Variants in IL20 observed in about 807,000 individuals in gnomAD.
The protein encoded by IL20 is interleukin 20, also known as interleukin-20.
Under a neutral mutation model 19.2 loss-of-function variants are expected in IL20, and 22 were observed. The ratio of observed to expected loss-of-function variants is 1.15; its 90% CI spans 0.82 to 1.64. The LOEUF is 1.64. Ranked by LOEUF, IL20 falls within the 40% of genes most tolerant of loss-of-function variation. The pLI, the probability that IL20 is intolerant of heterozygous loss-of-function variation, is 0.00. For missense variants in IL20, 215 were observed against 212.8 expected, an observed-to-expected ratio of 1.01 and a Z score of -0.06; for synonymous variants, 70 against 76.2, an observed-to-expected ratio of 0.92 and a Z score of 0.43.
At position 206,867,373 on chromosome 1, in the gene IL20, G is replaced by A; in HGVS notation, c.379-11G>A. On this transcript the variant is annotated splice_polypyrimidine_tract_variant and intron_variant, in intron 4 of 5. Transcript: ENST00000367098. ...TGTAATATAATCTATTATTCTTTGG[G>A]TCCTTTTCAGCATGCCCACATGACA... The A allele has an allele frequency of 6.2e-7, 1 of 1,611,588 alleles. No individual in the cohort carries two copies. The highest frequency in any genetic ancestry group is 8.5e-7 in the Non-Finnish European group (1 of 1,177,978).
Position 206,866,217 on chromosome 1 carries a change from G to A in IL20, c.160-82G>A, listed in dbSNP as rs1572589136. The A allele has an allele frequency of 2.9e-6, 4 of 1,360,290 alleles. No individual in the cohort carries two copies. In the East Asian group the frequency reaches 9.2e-5, roughly 31 times the overall value. 84.3% of individuals were successfully genotyped at this position (1,360,290 alleles called of 1,614,324 possible). On this transcript the variant is annotated intron_variant, in intron 2 of 5. Coordinates refer to ENST00000367098, the MANE Select transcript of IL20 (RefSeq NM_018724.4). Reference sequence around the variant, plus strand: ...ACACCTCCCACTAGTTCTTGGCAGGGAGTGGATGAGAAGTCTTGATATTGA... The same window carrying A: ...ACACCTCCCACTAGTTCTTGGCAGGAAGTGGATGAGAAGTCTTGATATTGA...
Position 206,868,806 on chromosome 1 carries a change from A to G in IL20, c.*242A>G, listed in dbSNP as rs1041716282. ...TATCTTTCTGCTATTGGATATATTT[A>G]TTAGTTAATATATTTATTTATTTTT... On this transcript the variant is annotated 3_prime_UTR_variant, in exon 6 of 6. Coordinates refer to ENST00000367098, the MANE Select transcript of IL20 (RefSeq NM_018724.4). 24 of 238,904 alleles carry G rather than the reference A, an allele frequency of 1.0e-4. No individual in the cohort carries two copies. Among genetic ancestry groups the G allele is most frequent in the South Asian group, 3.5e-4 (2 of 5,672 alleles). 14.8% of individuals were successfully genotyped at this position (238,904 alleles called of 1,614,324 possible). A position where few individuals can be genotyped will look rare whatever the true frequency, so the allele number is the denominator to read the frequency against.
At position 206,869,031 on chromosome 1, in the gene IL20, G is replaced by A. The variant is rs991908685; in HGVS notation, c.*467G>A. 5.3e-5 allele frequency: 8 copies of A among 152,102 alleles called. No individual in the cohort carries two copies. The highest frequency in any genetic ancestry group is 1.0e-4 in the Non-Finnish European group (7 of 68,008). 9.4% of individuals were successfully genotyped at this position (152,102 alleles called of 1,614,324 possible). A position where few individuals can be genotyped will look rare whatever the true frequency, so the allele number is the denominator to read the frequency against. ...ATATTTACTCATGCTGATGCTCTGTGAGATATTTGAAATTGAACCAATGAC... is the reference window on the plus strand; with the variant it reads ...ATATTTACTCATGCTGATGCTCTGTAAGATATTTGAAATTGAACCAATGAC... On this transcript the variant is annotated 3_prime_UTR_variant, in exon 6 of 6. Transcript: ENST00000367098.
At chr1:206,867,948 G>C (rs1450314943) in intron 5 of IL20, among the ~76,000 whole-genome samples, 4 of 152,130 alleles carry the variant, frequency 2.6e-5, no homozygotes, top group Non-Finnish European at 5.9e-5. Flanking sequence ...CCTTCTCTCA[G>C]AGTTAGATGC....
chr1:206,867,467 G>A lies in IL20; in HGVS notation c.453+9G>A, dbSNP rs374471261. ...TGAGTCACTTTGAAAAGGTATATGC[G>A]ACTTTGGCATTGATTGGGATGGGTG... On this transcript the variant is annotated intron_variant, in intron 5 of 5. Coordinates refer to ENST00000367098, the MANE Select transcript of IL20 (RefSeq NM_018724.4). The A allele has an allele frequency of 3.7e-6, 6 of 1,610,494 alleles. No homozygotes were observed. Among genetic ancestry groups the A allele is most frequent in the Admixed American group, 1.7e-5 (1 of 60,002 alleles).
rs779718399 is a variant in IL20, at chr1:206,868,574, G to A, written c.*10G>A. 25 of 1,589,434 alleles carry A rather than the reference G, an allele frequency of 1.6e-5. No individual in the cohort carries two copies. The African/African-American group carries it at 3.1e-4, about 20-fold the overall frequency. ...GGAGGAGACAGAATAGGAGGAAAGT[G>A]ATGCTGCTGCTAAGAATATTCGAGG... On this transcript the variant is annotated 3_prime_UTR_variant, in exon 6 of 6. Coordinates refer to ENST00000367098, the MANE Select transcript of IL20 (RefSeq NM_018724.4).
At chr1:206,864,146 T>C (rs1677486177), upstream of IL20, among the ~76,000 whole-genome samples, 1 of 152,200 alleles carries the variant, frequency 6.6e-6, no homozygotes, top group Middle Eastern at 3.2e-3. Context: ...TAAACTGGAA[T>C]GACCCACATC....
chr1:206,865,466 G>A (rs1677518897), upstream of IL20: 3 of 1,011,812 alleles, frequency 3.0e-6, no homozygotes, highest in East Asian at 9.2e-5. This position sits in a 1 kb window ranked among gnomAD's most constrained non-coding sequence, Gnocchi z 4.1. Flanking sequence ...GGCTATATGC[G>A]TCAATTCCCC....
chr1:206,867,547 C>A, intron 5 of IL20, 89 bp downstream of exon 5: 1 of 1,099,180 alleles, frequency 9.1e-7, no homozygotes, highest in Non-Finnish European at 1.4e-6. Flanking sequence ...TGTTAGACAT[C>A]CTGTAGCCTT....
chr1:206,866,459 C>T, intron 3 of IL20, 25 bp from the exon 4 acceptor site: 18 of 1,614,008 alleles, frequency 1.1e-5, no homozygotes, highest in Non-Finnish European at 1.4e-5. Flanking sequence ...TTTCCCCTCA[C>T]CAATATACCT....
rs1407791226 is a variant in IL20, at chr1:206,868,462, C to G, written c.454-25C>G. 2.6e-6 allele frequency: 4 copies of G among 1,563,922 alleles called. No homozygotes were observed. The East Asian group carries it at 9.6e-5, about 38-fold the overall frequency. On this transcript the variant is annotated intron_variant, in intron 5 of 5. Coordinates refer to ENST00000367098, the MANE Select transcript of IL20 (RefSeq NM_018724.4). ...CAAATGCTGTCTCATGAATTGCTAA[C>G]CACATGGGTGTGTGTCTCTTTCAGC...
In IL20 at chr1:206,868,557, C is replaced by T. The variant is rs756907941; in HGVS notation, c.524C>T (p.Thr175Ile). The T allele has an allele frequency of 1.2e-5, 19 of 1,602,346 alleles. No individual in the cohort carries two copies. The highest frequency in any genetic ancestry group is 2.7e-5 in the African/African-American group (2 of 74,310). ...LDILLQWMEE[T>I]E is the part of the protein sequence containing the mutation. The stretch of plus-strand genomic sequence containing the variant: ...ATTCTTCTGCAATGGATGGAGGAGA[C>T]AGAATAGGAGGAAAGTGATGCTGCT... The change falls in exon 6 of 6, where the codon ACA (threonine) becomes ATA (isoleucine). Residue 175 changes from threonine to isoleucine, a missense_variant. Transcript: ENST00000367098.
At chr1:206,866,032 C>T in intron 2 of IL20, 21 bp downstream of exon 2, 4 of 1,604,914 alleles carry the variant, frequency 2.5e-6, no homozygotes, top group Non-Finnish European at 3.4e-6. Context: ...GGGTATCTAC[C>T]TCTCCTGAAA....
chr1:206,866,412 G>C, intron 3 of IL20, 48 bp downstream of exon 3: 2 of 1,611,948 alleles, frequency 1.2e-6, no homozygotes, highest in Non-Finnish European at 1.7e-6. Flanking sequence ...TGGAGTGGGA[G>C]CATCTCCATC....
chr1:206,866,403 G>A, intron 3 of IL20, 39 bp downstream of exon 3: 1 of 1,612,594 alleles, frequency 6.2e-7, no homozygotes, highest in East Asian at 2.2e-5. Flanking sequence ...GAGGAGGAGT[G>A]GAGTGGGAGC....
rs754306980 is a variant in IL20, at chr1:206,867,408, G to C, written c.403G>C (p.Gly135Arg). ...GCATGCCCACATGACATGCCATTGT[G>C]GGGAGGAAGCAATGAAGAAATACAG... ...LCHAHMTCHC[G>R]EEAMKKYSQI... Residue 135 changes from glycine to arginine, a missense_variant, in exon 5 of 6, where the codon GGG becomes CGG. Physicochemically the swap from Gly to Arg is moderately radical, Grantham distance 125 (BLOSUM62 -2). Transcript: ENST00000367098. The C allele has an allele frequency of 1.2e-6, 2 of 1,613,798 alleles. No homozygotes were observed. The highest frequency in any genetic ancestry group is 1.7e-6 in the Non-Finnish European group (2 of 1,179,778).
chr1:206,867,296 T>C lies in IL20; in HGVS notation c.379-88T>C, dbSNP rs1677579123. ...GAATAAGCATCCTCAGGGTTGTGGG[T>C]GAAAGAGTAGAGTTTCTGCCTGCTT... On this transcript the variant is annotated intron_variant, in intron 4 of 5. Coordinates refer to ENST00000367098, the MANE Select transcript of IL20 (RefSeq NM_018724.4). 6.3e-6 allele frequency: 7 copies of C among 1,103,308 alleles called. No homozygotes were observed. The Admixed American group carries it at 1.2e-4, about 20-fold the overall frequency. The allele number at this position is 1,103,308 out of a possible 1,614,324, so 68.3% of individuals were successfully genotyped here. A position where few individuals can be genotyped will look rare whatever the true frequency, so the allele number is the denominator to read the frequency against.
intron 3 of IL20, 36 bp from the exon 4 acceptor site, chr1:206,866,448 C>T (rs755857210): frequency 6.2e-7 from 1 of 1,613,728 alleles, no homozygotes; most frequent in Non-Finnish European, 8.5e-7. Flanking sequence ...CTGCTCTCCC[C>T]TTTCCCCTCA....
In IL20 at chr1:206,868,714, C is replaced by T. The variant is rs1304282730; in HGVS notation, c.*150C>T. ...TATCTTATTTATGCATTACTTGCTT[C>T]CTTGCATGATTGTCTTTATGCATCC... On this transcript the variant is annotated 3_prime_UTR_variant, in exon 6 of 6. Transcript: ENST00000367098. The T allele has an allele frequency of 4.8e-6, 2 of 418,576 alleles. No individual in the cohort carries two copies. The highest frequency in any genetic ancestry group is 2.1e-5 in the African/African-American group (1 of 48,764). The allele number at this position is 418,576 out of a possible 1,614,324, so 25.9% of individuals were successfully genotyped here. A position where few individuals can be genotyped will look rare whatever the true frequency, so the allele number is the denominator to read the frequency against.
Sources: gnomAD v4.1 joint callset for allele counts (sites outside exome capture counted in the v4.1 genomes callset) on GRCh38, gnomAD v4.1.1 for gene constraint, Gnocchi (gnomAD v3.1) non-coding constraint, MANE v1.5 for transcripts, NCBI Gene and HGNC (gene_info 2026-07-23, HGNC 2026-07-21) for gene names.